Variants in EED observed in about 807,000 individuals in gnomAD.
EED encodes the protein embryonic ectoderm development.
EED carries 9 observed loss-of-function variants against 61.0 expected under a neutral mutation model. The ratio of observed to expected loss-of-function variants is 0.15; its 90% CI spans 0.09 to 0.26. The LOEUF (loss-of-function observed/expected upper bound fraction) is 0.26, where lower values mean the gene tolerates loss of function less well. EED is among the 10% of genes least tolerant of loss of function. The probability of loss-of-function intolerance (pLI) is 1.00; values close to 1 mark genes in which losing one functional copy is unlikely to be tolerated. For missense variants in EED, 315 were observed against 542.3 expected (o/e 0.58, Z 4.16); for synonymous variants, 187 against 174.4 (o/e 1.07, Z -0.57).
intron 11 of EED, 172 bp downstream of exon 11, chr11:86,278,163 A>C: frequency 1.5e-6 from 2 of 1,329,090 alleles, no homozygotes; most frequent in Non-Finnish European, 9.6e-7. Context: ...GTTTTTCCTA[A>C]GTACCTTGGT....
chr11:86,252,540 C>CT (rs1332906332), intron 3 of EED, among the ~76,000 whole-genome samples: 2 of 119,708 alleles, frequency 1.7e-5, no homozygotes, highest in Non-Finnish European at 3.6e-5. Context: ...AATTGGCGTT[C>CT]TTTTTAAAGT....
intron 9 of EED, chr11:86,270,224 AT>A: frequency 1.7e-6 from 1 of 605,336 alleles, no homozygotes; most frequent in Non-Finnish European, 3.0e-6. Context: ...CGTGGTCTTA[AT>A]TTGCATTTCC....
intron 6 of EED, 47 bp from the exon 7 acceptor site, chr11:86,264,125 C>T: frequency 6.9e-7 from 1 of 1,449,372 alleles, no homozygotes; most frequent in Non-Finnish European, 9.7e-7. Context: ...GTTGAAAGTT[C>T]ACAGTAAATA....
chr11:86,254,047 T>TGAAAAAAAAAA (rs1945602106), intron 3 of EED, among the ~76,000 whole-genome samples: 1 of 12,904 alleles, frequency 7.7e-5, no homozygotes. Flanking sequence ...AAACTCTGTC[T>TGAAAAAAAAAA]CAAAAAAAAA....
rs568082017 is a variant in EED, at chr11:86,256,284, T to G, written c.427-103T>G. 11 of 1,147,456 alleles carry G rather than the reference T, an allele frequency of 9.6e-6. No homozygotes were observed. The African/African-American group carries it at 1.7e-4, about 18-fold the overall frequency. 71.1% of individuals were successfully genotyped at this position (1,147,456 alleles called of 1,614,324 possible). Reference sequence around the variant, plus strand: ...TGGTTGTATAAGGAAAATTGAGAACTTTGGTGTCAAAAACTTTAGCAGTTC... The same window carrying G: ...TGGTTGTATAAGGAAAATTGAGAACGTTGGTGTCAAAAACTTTAGCAGTTC... On this transcript the variant is annotated intron_variant, in intron 4 of 11. Coordinates refer to ENST00000263360, the MANE Select transcript of EED (RefSeq NM_003797.5).
intron 9 of EED, among the ~76,000 whole-genome samples, chr11:86,274,070 CGTTT>C (rs1277297969): frequency 1.3e-5 from 2 of 149,034 alleles, no homozygotes; most frequent in Non-Finnish European, 3.0e-5. Context: ...AATGTTAGAT[CGTTT>C]GTTTGGTCCC....
chr11:86,257,707 C>A, intron 6 of EED, 111 bp downstream of exon 6: 1 of 777,622 alleles, frequency 1.3e-6, no homozygotes. Context: ...AGAGAGTCCA[C>A]ATGCTTGTAT....
intron 6 of EED, among the ~76,000 whole-genome samples, chr11:86,258,619 A>G (rs1945744648): frequency 2.0e-5 from 3 of 147,464 alleles, no homozygotes; most frequent in Non-Finnish European, 4.4e-5. Context: ...GCAATGGTGC[A>G]ATCTCGGCTG....
chr11:86,284,603 T>C, the EED span: 2 of 152,284 alleles, frequency 1.3e-5, no homozygotes, highest in East Asian at 3.8e-4. Context: ...CATGATGACA[T>C]ATGCCAGAGC....
intron 6 of EED, among the ~76,000 whole-genome samples, chr11:86,260,714 G>C (rs558413649): frequency 2.0e-5 from 3 of 152,164 alleles, no homozygotes; most frequent in African/African-American, 7.2e-5. Context: ...CTAGTATCTT[G>C]TTCTGTGGGA....
At chr11:86,259,919 C>T (rs968978444) in intron 6 of EED, among the ~76,000 whole-genome samples, 1 of 152,266 alleles carries the variant, frequency 6.6e-6, no homozygotes, top group South Asian at 2.1e-4. Context: ...TAAAATGTAA[C>T]TACTTTGAAA....
In EED at chr11:86,250,278, C is replaced by A; in HGVS notation, c.115-18C>A. On this transcript the variant is annotated intron_variant, in intron 1 of 11. Coordinates refer to ENST00000263360, the MANE Select transcript of EED (RefSeq NM_003797.5). Reference sequence around the variant, plus strand: ...GTATTGCTGTTTCATGTAATTTTTCCTCATTTACTGCTTACAGGATGACGC... The same window carrying A: ...GTATTGCTGTTTCATGTAATTTTTCATCATTTACTGCTTACAGGATGACGC... 6.8e-7 allele frequency: 1 copy of A among 1,472,654 alleles called. No individual in the cohort carries two copies. Among genetic ancestry groups the A allele is most frequent in the Non-Finnish European group, 9.0e-7 (1 of 1,109,396 alleles). 91.2% of individuals were successfully genotyped at this position (1,472,654 alleles called of 1,614,324 possible). A position where few individuals can be genotyped will look rare whatever the true frequency, so the allele number is the denominator to read the frequency against.
At chr11:86,266,267 A>G (rs779476300) in intron 8 of EED, 51 bp downstream of exon 8, 26 of 1,470,484 alleles carry the variant, frequency 1.8e-5, no homozygotes, top group Non-Finnish European at 1.3e-5. Flanking sequence ...TATTGAATAT[A>G]AGTTTTATTT....
At chr11:86,247,797 C>T (rs1056165620) in intron 1 of EED, among the ~76,000 whole-genome samples, 2 of 152,188 alleles carry the variant, frequency 1.3e-5, no homozygotes, top group South Asian at 4.1e-4. Context: ...AAGGCCAAAG[C>T]AGATGGGGTG....
intron 7 of EED, chr11:86,264,524 C>A (rs1470210729): frequency 3.3e-6 from 1 of 305,970 alleles, no homozygotes; most frequent in Non-Finnish European, 5.9e-6. Flanking sequence ...TGCTCCTTTC[C>A]TTTTAATCTA....
rs1945907938 is a variant in EED at position 86,263,919 on chromosome 11, G to A, written c.635-253G>A. 3 of 436,060 alleles carry A rather than the reference G, an allele frequency of 6.9e-6. No homozygotes were observed. The South Asian group carries it at 1.1e-4, about 16-fold the overall frequency. 27.0% of individuals were successfully genotyped at this position (436,060 alleles called of 1,614,324 possible). A position where few individuals can be genotyped will look rare whatever the true frequency, so the allele number is the denominator to read the frequency against. On this transcript the variant is annotated intron_variant, in intron 6 of 11. Transcript: ENST00000263360. ...CCTAAATACCTCCCATTAGGCCCCAGCTCACACCACTATTGCATTGGGGAT... is the reference window on the plus strand; with the variant it reads ...CCTAAATACCTCCCATTAGGCCCCAACTCACACCACTATTGCATTGGGGAT...
rs990840973 is a variant in EED at position 86,245,090 on chromosome 11, C to G, written c.-140C>G. On this transcript the variant is annotated 5_prime_UTR_variant, in exon 1 of 12. Coordinates refer to ENST00000263360, the MANE Select transcript of EED (RefSeq NM_003797.5). ...GCACGCCCGCCTCGGCGGCTGGGCG[C>G]GATTTGCGACAGTGGGGGGGGCGGT... 4.9e-6 allele frequency: 3 copies of G among 617,890 alleles called. No individual in the cohort carries two copies. In the African/African-American group the frequency reaches 6.0e-5, roughly 12 times the overall value. The allele number at this position is 617,890 out of a possible 1,614,324, so 38.3% of individuals were successfully genotyped here.
intron 3 of EED, among the ~76,000 whole-genome samples, chr11:86,252,514 C>G (rs113418827): frequency 2.3e-4 from 32 of 138,178 alleles, no homozygotes; most frequent in African/African-American, 8.0e-4. Flanking sequence ...AATTGGCGTC[C>G]TTTTTTTTTT....
At chr11:86,266,253 G>A in intron 8 of EED, 37 bp downstream of exon 8, 1 of 1,535,956 alleles carries the variant, frequency 6.5e-7, no homozygotes, top group East Asian at 2.3e-5. Flanking sequence ...TTGCTATGTT[G>A]TGCTATTGAA....
Sources: allele counts gnomAD v4.1 joint callset (sites outside exome capture counted in the v4.1 genomes callset), GRCh38; gene constraint gnomAD v4.1.1; transcripts MANE v1.5; gene names NCBI Gene and HGNC (gene_info 2026-07-23, HGNC 2026-07-21).